AGAP1: variants seen among roughly 807,000 people sequenced by gnomAD.
AGAP1 encodes the protein arf-GAP with GTPase, ANK repeat and PH domain-containing protein 1.
A neutral mutation model predicts 105.3 loss-of-function variants in AGAP1; 29 were observed. The ratio of observed to expected loss-of-function variants is 0.28; its 90% CI spans 0.21 to 0.38. The LOEUF (loss-of-function observed/expected upper bound fraction) is 0.38, where lower values mean the gene tolerates loss of function less well. AGAP1 is among the 10% of genes least tolerant of loss of function. The probability of loss-of-function intolerance (pLI) is 1.00; values close to 1 mark genes in which losing one functional copy is unlikely to be tolerated. For synonymous variants in AGAP1, 509 were observed against 485.9 expected (o/e 1.05, Z -0.63); for missense variants, 998 against 1,165.1 (o/e 0.86, Z 2.09).
rs763486638 is a variant in AGAP1 at position 236,053,303 on chromosome 2, A to G, written c.2114+4022A>G. Among the ~76,000 whole-genome samples the G allele has an allele frequency of 1.6e-4, 24 of 152,244 alleles. No homozygotes were observed. The highest frequency in any genetic ancestry group is 3.5e-4 in the Non-Finnish European group (24 of 68,046). ...AAATGAGTGAAAGCGGGAACTCGTC[A>G]TCATGGAACACATGTCAGGTGCTCT... On this transcript the variant is annotated intron_variant, in intron 16 of 17. Coordinates refer to ENST00000304032, the MANE Select transcript of AGAP1 (RefSeq NM_001037131.3). This position sits in a 1 kb window ranked among gnomAD's most constrained non-coding sequence, Gnocchi z 4.6.
At chr2:235,745,792 A>T (rs1441175489) in intron 5 of AGAP1, among the ~76,000 whole-genome samples, 1 of 152,186 alleles carries the variant, frequency 6.6e-6, no homozygotes, top group Non-Finnish European at 1.5e-5. Context: ...CTGCTTGATC[A>T]CGAACCTACA....
chr2:236,114,808 A>G lies in AGAP1; in HGVS notation c.2115-5384A>G, dbSNP rs2059729534. Among the ~76,000 whole-genome samples the G allele has an allele frequency of 6.6e-6, 1 of 152,202 alleles. No homozygotes were observed. The highest frequency in any genetic ancestry group is 2.4e-5 in the African/African-American group (1 of 41,446). ...GTTAAAGCTTCAGCATGTGAATTTTATGGGATACGACTCAGCCTCTAACAT... is the reference window on the plus strand; with the variant it reads ...GTTAAAGCTTCAGCATGTGAATTTTGTGGGATACGACTCAGCCTCTAACAT... On this transcript the variant is annotated intron_variant, in intron 16 of 17. Transcript: ENST00000304032. This position sits in a 1 kb window ranked among gnomAD's most constrained non-coding sequence, Gnocchi z 5.0.
chr2:235,840,383 G>A (rs1392714323), intron 9 of AGAP1, among the ~76,000 whole-genome samples: 1 of 152,242 alleles, frequency 6.6e-6, no homozygotes, highest in Non-Finnish European at 1.5e-5. Context: ...GAGAAGACAA[G>A]GCTGTTCCTC....
At chr2:235,536,406 T>TAC (rs71300670) in intron 1 of AGAP1, among the ~76,000 whole-genome samples, 161 of 3,954 alleles carry the variant, frequency 0.041, 43 homozygotes, top group African/African-American at 0.14. Flanking sequence ...TGTGGCATCC[T>TAC]ACACACACAC....
chr2:235,902,112 T>G (rs757523040), intron 10 of AGAP1, among the ~76,000 whole-genome samples: 1 of 152,246 alleles, frequency 6.6e-6, no homozygotes, highest in Non-Finnish European at 1.5e-5. Flanking sequence ...TTAGGTCTCT[T>G]TGATACCCAG....
Position 235,931,963 on chromosome 2 carries a change from G to A in AGAP1, c.1483+1040G>A, listed in dbSNP as rs2052744047. The stretch of plus-strand genomic sequence containing the variant: ...TGGCCCATTCCCATCCCAGCGCCAG[G>A]GCTTGCTCCTTCCCTCAAAAGAAGG... On this transcript the variant is annotated intron_variant, in intron 12 of 17. Coordinates refer to ENST00000304032, the MANE Select transcript of AGAP1 (RefSeq NM_001037131.3). This position sits in a 1 kb window ranked among gnomAD's most constrained non-coding sequence, Gnocchi z 5.6. Among the ~76,000 whole-genome samples, 1 of 152,094 alleles carries A rather than the reference G, an allele frequency of 6.6e-6. No homozygotes were observed.
At chr2:236,102,646 C>A (rs1576310545) in intron 16 of AGAP1, among the ~76,000 whole-genome samples, 2 of 151,132 alleles carry the variant, frequency 1.3e-5, no homozygotes, top group Non-Finnish European at 2.9e-5. Context: ...AATAAAGGTG[C>A]CTGTGTTAAA....
chr2:236,044,048 C>G lies in AGAP1; in HGVS notation c.1891+3207C>G, dbSNP rs1280503665. Reference sequence around the variant, plus strand: ...TGCTCACTGGGCACATCCCAGAGCACTGTTTCCAGAGTGGACGCTGAGCCT... The same window carrying G: ...TGCTCACTGGGCACATCCCAGAGCAGTGTTTCCAGAGTGGACGCTGAGCCT... On this transcript the variant is annotated intron_variant, in intron 15 of 17. Transcript: ENST00000304032. This position sits in a 1 kb window ranked among gnomAD's most constrained non-coding sequence, Gnocchi z 5.7. Among the ~76,000 whole-genome samples, 2 of 152,200 alleles carry G rather than the reference C, an allele frequency of 1.3e-5. No homozygotes were observed. The highest frequency in any genetic ancestry group is 2.9e-5 in the Non-Finnish European group (2 of 68,032).
chr2:236,026,983 C>G (rs1267928060), intron 13 of AGAP1, among the ~76,000 whole-genome samples: 3 of 152,272 alleles, frequency 2.0e-5, no homozygotes, highest in Admixed American at 2.0e-4. Context: ...AAAATGATTA[C>G]AAGCAAAAAT....
intron 5 of AGAP1, among the ~76,000 whole-genome samples, chr2:235,749,601 A>G (rs1340978506): frequency 1.3e-5 from 2 of 150,382 alleles, no homozygotes; most frequent in African/African-American, 2.5e-5. Flanking sequence ...CCTCATATAC[A>G]CCAGCTGTCC....
At chr2:235,832,422 A>G (rs766158297) in intron 9 of AGAP1, among the ~76,000 whole-genome samples, 3 of 152,234 alleles carry the variant, frequency 2.0e-5, no homozygotes, top group Non-Finnish European at 2.9e-5. Flanking sequence ...AATTTCAACA[A>G]TTTCTACACT....
rs150331015 is a variant in AGAP1, at chr2:235,906,201, G to A, written c.1156-2537G>A. ...CGGGTGGCCGGGCACCTCTGCTCCC[G>A]GCCTCTGGGCTGATGTGAGATGCAC... On this transcript the variant is annotated intron_variant, in intron 10 of 17. Coordinates refer to ENST00000304032, the MANE Select transcript of AGAP1 (RefSeq NM_001037131.3). The surrounding 1 kb of genome is among the most constrained non-coding windows in gnomAD (Gnocchi z 5.3). 3.2e-4 allele frequency among the ~76,000 whole-genome samples: 49 copies of A among 152,256 alleles called. No individual in the cohort carries two copies. The East Asian group carries it at 6.4e-3, about 20-fold the overall frequency.
chr2:235,874,300 C>T lies in AGAP1; in HGVS notation c.1051-9045C>T, dbSNP rs977137378. 1.3e-5 allele frequency among the ~76,000 whole-genome samples: 2 copies of T among 152,182 alleles called. No individual in the cohort carries two copies. The highest frequency in any genetic ancestry group is 6.5e-5 in the Admixed American group (1 of 15,286). On this transcript the variant is annotated intron_variant, in intron 9 of 17. Coordinates refer to ENST00000304032, the MANE Select transcript of AGAP1 (RefSeq NM_001037131.3). The surrounding 1 kb of genome is among the most constrained non-coding windows in gnomAD (Gnocchi z 4.5). ...TCCTGACCTTGTGATCTGCCGGCCT[C>T]GGCCTCCCAAAGTGCTGGGGTTACA...
In AGAP1 at chr2:235,807,068, G is replaced by A. The variant is rs189174405; in HGVS notation, c.958-171G>A. Among the ~76,000 whole-genome samples the A allele has an allele frequency of 3.9e-5, 6 of 152,352 alleles. No individual in the cohort carries two copies. In the East Asian group the frequency reaches 1.2e-3, roughly 29 times the overall value. On this transcript the variant is annotated intron_variant, in intron 8 of 17. Coordinates refer to ENST00000304032, the MANE Select transcript of AGAP1 (RefSeq NM_001037131.3). ...AGATGATTCTCTTTAAAAATGATGAGTCAGTGGAGATGAACTACTGAGCTG... is the reference window on the plus strand; with the variant it reads ...AGATGATTCTCTTTAAAAATGATGAATCAGTGGAGATGAACTACTGAGCTG...
chr2:235,509,354 C>T (rs1941969608), intron 1 of AGAP1, among the ~76,000 whole-genome samples: 1 of 152,016 alleles, frequency 6.6e-6, no homozygotes, highest in Non-Finnish European at 1.5e-5. Context: ...CCTTCCTCAG[C>T]CTCTTGAGTA....
Position 235,566,956 on chromosome 2 carries a change from C to T in AGAP1, c.163+72107C>T, listed in dbSNP as rs750561313. Among the ~76,000 whole-genome samples the T allele has an allele frequency of 2.0e-5, 3 of 152,236 alleles. No individual in the cohort carries two copies. Among genetic ancestry groups the T allele is most frequent in the Non-Finnish European group, 2.9e-5 (2 of 68,036 alleles). On this transcript the variant is annotated intron_variant, in intron 1 of 17. Coordinates refer to ENST00000304032, the MANE Select transcript of AGAP1 (RefSeq NM_001037131.3). The surrounding 1 kb of genome is among the most constrained non-coding windows in gnomAD (Gnocchi z 5.2). ...CCGGCCTCTGGTGGCCCCTGGCAAT[C>T]CTTGGTGTCCCATCCAGCTGCATCA... is the stretch of plus-strand genomic sequence containing the variant.
At chr2:235,972,880 CCCA>C (rs2054711070) in intron 13 of AGAP1, among the ~76,000 whole-genome samples, 1 of 152,184 alleles carries the variant, frequency 6.6e-6, no homozygotes, top group Non-Finnish European at 1.5e-5. Flanking sequence ...TCCATCATCC[CCCA>C]GGGTCTGGCT....
rs182864215 is a variant in AGAP1 at position 235,728,475 on chromosome 2, G to C, written c.310+10831G>C. On this transcript the variant is annotated intron_variant, in intron 3 of 17. Transcript: ENST00000304032. This position sits in a 1 kb window ranked among gnomAD's most constrained non-coding sequence, Gnocchi z 4.3. Reference sequence around the variant, plus strand: ...AAATGGAAACCTGATTCAACTCACAGTGTAGTCCTTTATCCATGCTTGTTG... The same window carrying C: ...AAATGGAAACCTGATTCAACTCACACTGTAGTCCTTTATCCATGCTTGTTG... Among the ~76,000 whole-genome samples the C allele has an allele frequency of 2.2e-3, 328 of 152,256 alleles. No homozygotes were observed. Among genetic ancestry groups the C allele is most frequent in the African/African-American group, 7.5e-3 (313 of 41,554 alleles).
chr2:236,045,972 C>T lies in AGAP1; in HGVS notation c.1892-3087C>T, dbSNP rs1193597111. On this transcript the variant is annotated intron_variant, in intron 15 of 17. Transcript: ENST00000304032. This position sits in a 1 kb window ranked among gnomAD's most constrained non-coding sequence, Gnocchi z 6.9. ...TCGGAGTCCGGCACAGGAATGTGTC[C>T]CACGCATGAATGTCGTCCTTCAGAT... is the stretch of plus-strand genomic sequence containing the variant. 3 of 471,678 alleles carry T rather than the reference C, an allele frequency of 6.4e-6. No homozygotes were observed. The highest frequency in any genetic ancestry group is 3.2e-4 in the Middle Eastern group (1 of 3,084). The allele number at this position is 471,678 out of a possible 1,614,324, so 29.2% of individuals were successfully genotyped here. A position where few individuals can be genotyped will look rare whatever the true frequency, so the allele number is the denominator to read the frequency against.
Sources: gnomAD v4.1 joint callset for allele counts (sites outside exome capture counted in the v4.1 genomes callset) on GRCh38, gnomAD v4.1.1 for gene constraint, Gnocchi (gnomAD v3.1) non-coding constraint, MANE v1.5 for transcripts, NCBI Gene and HGNC (gene_info 2026-07-23, HGNC 2026-07-21) for gene names.